The following IFIT1 variants were observed in gnomAD, a reference collection of about 807,000 sequenced individuals.
IFIT1 encodes antiviral innate immune response effector IFIT1.
Under a neutral mutation model 2.5 loss-of-function variants are expected in IFIT1, and 1 was observed. The observed-to-expected ratio is 0.40, with a 90% CI of 0.14 to 1.92. The LOEUF (loss-of-function observed/expected upper bound fraction) is 1.92, where lower values mean the gene tolerates loss of function less well. IFIT1 is among the 40% of genes most tolerant of loss of function. The pLI is 0.31. For missense variants in IFIT1, 508 were observed against 557.8 expected, an observed-to-expected ratio of 0.91 and a Z score of 0.90; for synonymous variants, 191 against 201.7, an observed-to-expected ratio of 0.95 and a Z score of 0.45.
chr10:89,400,153 T>G lies in IFIT1; in HGVS notation c.6-2128T>G, dbSNP rs304485. Among the ~76,000 whole-genome samples, 641 of 152,154 alleles carry G rather than the reference T, an allele frequency of 4.2e-3. 4 individuals are homozygous for G. The highest frequency in any genetic ancestry group is 0.015 in the African/African-American group (612 of 41,538). On this transcript the variant is annotated intron_variant, in intron 1 of 1. Transcript: ENST00000371804. ...GGTCTATACATCTGTCTTTATACCA[T>G]TGTTGTAATATTGTGATTACTGTAG...
chr10:89,398,225 A>G (rs751542022), intron 1 of IFIT1, among the ~76,000 whole-genome samples: 1 of 152,228 alleles, frequency 6.6e-6, no homozygotes, highest in African/African-American at 2.4e-5. Context: ...GCAGAGGGCA[A>G]GGAGTAGGTA....
chr10:89,399,103 T>C (rs4933505), intron 1 of IFIT1, among the ~76,000 whole-genome samples: 2,174 of 152,318 alleles, frequency 0.014, 19 homozygotes, highest in Middle Eastern at 0.044. Context: ...GTGGTTTTTA[T>C]TTGCATTTCA....
intron 1 of IFIT1, chr10:89,393,048 C>A: frequency 1.1e-6 from 1 of 931,260 alleles, no homozygotes; most frequent in South Asian, 1.6e-5. Context: ...AGATTCACTT[C>A]TGTCTGATAT....
chr10:89,393,229 C>T (rs1235001792), intron 1 of IFIT1: 1 of 1,289,680 alleles, frequency 7.8e-7, no homozygotes, highest in Non-Finnish European at 1.0e-6. Flanking sequence ...AGCCTTCCTC[C>T]ATAGGCTTCT....
In IFIT1 at chr10:89,402,432, G is replaced by A; in HGVS notation, c.157G>A (p.Gly53Arg). The A allele has an allele frequency of 6.2e-7, 1 of 1,614,118 alleles. No homozygotes were observed. The change falls in exon 2 of 2, where the codon GGA becomes AGA. Residue 53 changes from glycine to arginine, a missense_variant. Transcript: ENST00000371804. ...ATTCCTAGACACCAAATACAGTGTGGGAATACACAACCTACTAGCCTATGT... is the reference window on the plus strand; with the variant it reads ...ATTCCTAGACACCAAATACAGTGTGAGAATACACAACCTACTAGCCTATGT... ...IEFLDTKYSV[G>R]IHNLLAYVKH...
At chr10:89,399,808 A>G (rs1007220400) in intron 1 of IFIT1, among the ~76,000 whole-genome samples, 1 of 152,170 alleles carries the variant, frequency 6.6e-6, no homozygotes, top group Middle Eastern at 3.2e-3. Flanking sequence ...GTTAAATAAA[A>G]TCGTAAGAGT....
intron 1 of IFIT1, among the ~76,000 whole-genome samples, chr10:89,394,593 TA>T (rs1844308290): frequency 2.2e-4 from 4 of 17,926 alleles, no homozygotes; most frequent in African/African-American, 1.4e-3. Flanking sequence ...TATATATATA[TA>T]TATATATATA....
intron 1 of IFIT1, among the ~76,000 whole-genome samples, chr10:89,393,949 C>T (rs556794526): frequency 6.6e-6 from 1 of 152,170 alleles, no homozygotes; most frequent in South Asian, 2.1e-4. Context: ...TTCTTGAATT[C>T]GTATTAAGTG....
At chr10:89,398,021 A>T (rs997375170) in intron 1 of IFIT1, among the ~76,000 whole-genome samples, 14 of 152,192 alleles carry the variant, frequency 9.2e-5, no homozygotes, top group Non-Finnish European at 1.3e-4. Context: ...ATCTCCAGAA[A>T]TTTTTCATCT....
Position 89,405,781 on chromosome 10 carries a change from C to T in IFIT1, c.*2069C>T, listed in dbSNP as rs1448088331. ...ACGCACCAGGTCCACCTGCATAATCCAGAATAATTGCCCCATCCGCAAATC... is the reference window on the plus strand; with the variant it reads ...ACGCACCAGGTCCACCTGCATAATCTAGAATAATTGCCCCATCCGCAAATC... On this transcript the variant is annotated 3_prime_UTR_variant, in exon 2 of 2. Coordinates refer to ENST00000371804, the MANE Select transcript of IFIT1 (RefSeq NM_001548.5). 1 of 152,184 alleles carries T rather than the reference C, an allele frequency of 6.6e-6. No individual in the cohort carries two copies. The highest frequency in any genetic ancestry group is 1.5e-5 in the Non-Finnish European group (1 of 68,040). 9.4% of individuals were successfully genotyped at this position (152,184 alleles called of 1,614,324 possible).
chr10:89,406,465 T>A lies in IFIT1; in HGVS notation c.*2753T>A, dbSNP rs1187064308. ...GTGGAAGTTTTGTTCTTTCGCTCTT[T>A]CAATAAATCTTGCTGCTGCTCACTC... On this transcript the variant is annotated 3_prime_UTR_variant, in exon 2 of 2. Transcript: ENST00000371804. 6.6e-6 allele frequency: 1 copy of A among 152,272 alleles called. No homozygotes were observed. The allele number at this position is 152,272 out of a possible 1,614,324, so 9.4% of individuals were successfully genotyped here.
rs759176272 is a variant in IFIT1 at position 89,403,331 on chromosome 10, A to C, written c.1056A>C (p.Glu352Asp). 6.2e-7 allele frequency: 1 copy of C among 1,613,314 alleles called. No individual in the cohort carries two copies. The highest frequency in any genetic ancestry group is 1.3e-5 in the African/African-American group (1 of 74,870). The change falls in exon 2 of 2, where the codon GAA becomes GAC. Residue 352 changes from glutamate (E) to aspartate (D), a missense_variant. By Grantham distance (45) the Glu-to-Asp change is conservative (BLOSUM62 2). Transcript: ENST00000371804. The part of the protein sequence containing the change: ...AHLDLARMYI[E>D]AGNHRKAEEN... ...TAGACCTGGCAAGAATGTATATAGA[A>C]GCAGGCAATCACAGAAAAGCTGAAG...
chr10:89,402,658 T>C lies in IFIT1; in HGVS notation c.383T>C (p.Leu128Pro), dbSNP rs1269598808. The C allele has an allele frequency of 3.7e-6, 6 of 1,614,090 alleles. No homozygotes were observed. The Admixed American group carries it at 1.0e-4, about 27-fold the overall frequency. ...AAGGTGGAGAACATTTGCAAGAAGCTTTCAAATCCCTTCCGCTATAGAATG... is the reference window on the plus strand; with the variant it reads ...AAGGTGGAGAACATTTGCAAGAAGCCTTCAAATCCCTTCCGCTATAGAATG... ...LDKVENICKK[L>P]SNPFRYRMEC... The change falls in exon 2 of 2, where the codon CTT becomes CCT. Residue 128 changes from leucine (L) to proline (P), a missense_variant. Transcript: ENST00000371804.
In IFIT1 at chr10:89,405,755, G is replaced by A. The variant is rs1844519451; in HGVS notation, c.*2043G>A. ...GACTCTTTTGCCTCTTTCTTCTAAG[G>A]ACGCACCAGGTCCACCTGCATAATC... On this transcript the variant is annotated 3_prime_UTR_variant, in exon 2 of 2. Coordinates refer to ENST00000371804, the MANE Select transcript of IFIT1 (RefSeq NM_001548.5). 6.6e-6 allele frequency: 1 copy of A among 152,094 alleles called. No homozygotes were observed. The highest frequency in any genetic ancestry group is 1.5e-5 in the Non-Finnish European group (1 of 68,060). The allele number at this position is 152,094 out of a possible 1,614,324, so 9.4% of individuals were successfully genotyped here.
chr10:89,394,938 C>T (rs1299048428), intron 1 of IFIT1, among the ~76,000 whole-genome samples: 12 of 152,014 alleles, frequency 7.9e-5, no homozygotes. Context: ...GAAACACATA[C>T]TATGTGGTTA....
Position 89,403,771 on chromosome 10 carries a change from C to A in IFIT1, c.*59C>A. 1.1e-6 allele frequency: 1 copy of A among 898,276 alleles called. No homozygotes were observed. The highest frequency in any genetic ancestry group is 1.7e-6 in the Non-Finnish European group (1 of 580,664). 55.6% of individuals were successfully genotyped at this position (898,276 alleles called of 1,614,324 possible). A position where few individuals can be genotyped will look rare whatever the true frequency, so the allele number is the denominator to read the frequency against. ...TCATTTTATGCTAACATTTACTAATCATCTTTTCTGCTTACTGTTTTCAGA... is the reference window on the plus strand; with the variant it reads ...TCATTTTATGCTAACATTTACTAATAATCTTTTCTGCTTACTGTTTTCAGA... On this transcript the variant is annotated 3_prime_UTR_variant, in exon 2 of 2. Coordinates refer to ENST00000371804, the MANE Select transcript of IFIT1 (RefSeq NM_001548.5).
At position 89,404,033 on chromosome 10, in the gene IFIT1, A is replaced by G; in HGVS notation, c.*321A>G. 1 of 193,984 alleles carries G rather than the reference A, an allele frequency of 5.2e-6. No individual in the cohort carries two copies. The allele number at this position is 193,984 out of a possible 1,614,324, so 12.0% of individuals were successfully genotyped here. ...ATTGTGAAATAAAAATAAAATCCTT[A>G]GCTCCTCCACCAACTGAACAGACCC... On this transcript the variant is annotated 3_prime_UTR_variant, in exon 2 of 2. Coordinates refer to ENST00000371804, the MANE Select transcript of IFIT1 (RefSeq NM_001548.5).
chr10:89,401,944 T>C (rs1844431504), intron 1 of IFIT1, among the ~76,000 whole-genome samples: 1 of 152,194 alleles, frequency 6.6e-6, no homozygotes. Context: ...AATAAGAAAC[T>C]CTTATATAGC....
Position 89,402,388 on chromosome 10 carries a change from G to A in IFIT1, c.113G>A (p.Arg38Lys). The change falls in exon 2 of 2, where the codon AGA (arginine) becomes AAA (lysine). Residue 38 changes from arginine (R) to lysine (K), a missense_variant. Coordinates refer to ENST00000371804, the MANE Select transcript of IFIT1 (RefSeq NM_001548.5). Reference sequence around the variant, plus strand: ...GATGAAATGCCTGATTTAGAAAACAGAGTCTTGGATCAGATTGAATTCCTA... The same window carrying A: ...GATGAAATGCCTGATTTAGAAAACAAAGTCTTGGATCAGATTGAATTCCTA... ...DDDEMPDLENRVLDQIEFLDT... is the reference protein window; with the variant it reads ...DDDEMPDLENKVLDQIEFLDT... The A allele has an allele frequency of 1.2e-6, 2 of 1,614,170 alleles. No homozygotes were observed. Among genetic ancestry groups the A allele is most frequent in the Non-Finnish European group, 1.7e-6 (2 of 1,179,988 alleles).
Sources: allele counts gnomAD v4.1 joint callset (sites outside exome capture counted in the v4.1 genomes callset), GRCh38; gene constraint gnomAD v4.1.1; transcripts MANE v1.5; gene names NCBI Gene and HGNC (gene_info 2026-07-23, HGNC 2026-07-21).